The following ABCA6 variants were observed in gnomAD, a reference collection of about 807,000 sequenced individuals.
The protein encoded by ABCA6 is ATP binding cassette subfamily A member 6.
A neutral mutation model predicts 191.2 loss-of-function variants in ABCA6; 164 were observed. That is an observed-to-expected ratio of 0.86 (90% CI 0.76 to 0.98). The LOEUF (loss-of-function observed/expected upper bound fraction) is 0.98. ABCA6 is among the 50% of genes least tolerant of loss of function. The pLI is 0.00. For missense variants in ABCA6, 1,958 were observed against 1,894.1 expected, an observed-to-expected ratio of 1.03 and a Z score of -0.63; for synonymous variants, 636 against 647.7, an observed-to-expected ratio of 0.98 and a Z score of 0.27.
chr17:69,114,344 C>T (rs2144676112), intron 13 of ABCA6, among the ~76,000 whole-genome samples: 1 of 141,596 alleles, frequency 7.1e-6, no homozygotes, highest in Admixed American at 7.9e-5. Context: ...TGTTCTCACT[C>T]ATAGGTGGGA....
At chr17:69,098,625 C>CAAAAAAAAAAAAAAAAAAA (rs59031335) in intron 22 of ABCA6, 1 of 46,350 alleles carries the variant, frequency 2.2e-5, no homozygotes, top group Non-Finnish European at 4.0e-5. Context: ...AACTCGGTCT[C>CAAAAAAAAAAAAAAAAAAA]AAAAAAAAAA....
chr17:69,079,316 C>A, intron 37 of ABCA6, 51 bp from the exon 38 acceptor site: 2 of 1,438,400 alleles, frequency 1.4e-6, no homozygotes, highest in Non-Finnish European at 9.4e-7. Context: ...CAATTTATTA[C>A]CAAGAATTTT....
intron 10 of ABCA6, among the ~76,000 whole-genome samples, chr17:69,120,488 T>A (rs1346735673): frequency 6.6e-6 from 1 of 152,100 alleles, no homozygotes; most frequent in African/African-American, 2.4e-5. Context: ...TTGTTCCCTG[T>A]GTTGTGTGCT....
chr17:69,128,567 G>T, intron 8 of ABCA6, 52 bp downstream of exon 8: 1 of 1,430,460 alleles, frequency 7.0e-7, no homozygotes, highest in Non-Finnish European at 9.6e-7. Context: ...AGCGTATGAA[G>T]TATCTACTTC....
At chr17:69,113,521 G>A (rs11659091) in intron 14 of ABCA6, 97 bp downstream of exon 14, 937,795 of 1,579,682 alleles carry the variant, frequency 0.59, 284,704 homozygotes, top group Non-Finnish European at 0.63. Flanking sequence ...CTCTCTTGAT[G>A]CATTACAATG....
At chr17:69,083,411 C>T in intron 34 of ABCA6, 80 bp from the exon 35 acceptor site, 1 of 1,391,924 alleles carries the variant, frequency 7.2e-7, no homozygotes, top group Non-Finnish European at 9.5e-7. Context: ...ATATATGAAT[C>T]ATATTCAGAT....
At chr17:69,112,563 A>G (rs2073445895) in intron 15 of ABCA6, 1 of 297,266 alleles carries the variant, frequency 3.4e-6, no homozygotes, top group Non-Finnish European at 6.3e-6. Context: ...ACAGAAAGTC[A>G]AATACTGCAT....
intron 22 of ABCA6, 57 bp downstream of exon 22, chr17:69,100,740 A>T: frequency 1.3e-6 from 2 of 1,484,274 alleles, no homozygotes; most frequent in South Asian, 2.8e-5. Context: ...AAAGAGAGAA[A>T]ACATAGGCTA....
At chr17:69,135,334 T>C (rs2073931429) in intron 4 of ABCA6, 1 of 152,496 alleles carries the variant, frequency 6.6e-6, no homozygotes, top group Non-Finnish European at 1.5e-5. Context: ...CATAATGGAC[T>C]CCTTGTTTCT....
At chr17:69,099,271 A>G (rs1206874250) in intron 22 of ABCA6, among the ~76,000 whole-genome samples, 1 of 151,982 alleles carries the variant, frequency 6.6e-6, no homozygotes, top group South Asian at 2.1e-4. Flanking sequence ...TAATTCCACA[A>G]TTATTTAACT....
At position 69,079,038 on chromosome 17, in the gene ABCA6, T is replaced by G; in HGVS notation, c.4789A>C (p.Asn1597His). 1 of 1,612,614 alleles carries G rather than the reference T, an allele frequency of 6.2e-7. No individual in the cohort carries two copies. The highest frequency in any genetic ancestry group is 2.2e-5 in the East Asian group (1 of 44,748). Residue 1597 changes from asparagine (N) to histidine (H), a missense_variant, in exon 39 of 39, where the codon AAT becomes CAT. Transcript: ENST00000284425. ...GTTGTATCAATTTCTTCATCAAAAT[T>G]TCCTACTTCCTGTTCTTTAGAAAGC... is the stretch of plus-strand genomic sequence containing the variant. ...LELSKEQEVGNFDEEIDTTMR... is the reference protein window; with the variant it reads ...LELSKEQEVGHFDEEIDTTMR...
At chr17:69,116,178 G>A (rs907111369) in intron 11 of ABCA6, among the ~76,000 whole-genome samples, 3 of 152,046 alleles carry the variant, frequency 2.0e-5, no homozygotes, top group Non-Finnish European at 4.4e-5. Flanking sequence ...GTGTTTTCCA[G>A]GGTAAGAGGG....
At chr17:69,113,825 A>G in intron 13 of ABCA6, 88 bp from the exon 14 acceptor site, 2 of 1,104,608 alleles carry the variant, frequency 1.8e-6, no homozygotes, top group Non-Finnish European at 2.6e-6. Context: ...GCTCATCATC[A>G]CTGGCCATCA....
At chr17:69,134,785 G>A in intron 4 of ABCA6, 43 bp from the exon 5 acceptor site, 1 of 1,338,296 alleles carries the variant, frequency 7.5e-7, no homozygotes, top group Non-Finnish European at 1.1e-6. Context: ...ATGGGACGAG[G>A]GCAGTTGGAG....
intron 23 of ABCA6, 105 bp downstream of exon 23, chr17:69,097,815 A>C: frequency 1.4e-6 from 1 of 738,776 alleles, no homozygotes. Flanking sequence ...TAAATTAAAC[A>C]TACATTCAAA....
At position 69,125,027 on chromosome 17, in the gene ABCA6, T is replaced by C; in HGVS notation, c.1128A>G (p.Lys376=). The C allele has an allele frequency of 7.3e-7, 1 of 1,376,740 alleles. No homozygotes were observed. Among genetic ancestry groups the C allele is most frequent in the Non-Finnish European group, 9.6e-7 (1 of 1,039,374 alleles). 85.3% of individuals were successfully genotyped at this position (1,376,740 alleles called of 1,614,324 possible). A position where few individuals can be genotyped will look rare whatever the true frequency, so the allele number is the denominator to read the frequency against. Residue 376 remains lysine (K), a synonymous_variant, in exon 9 of 39, where the codon AAA becomes AAG. Transcript: ENST00000284425. ...AFTTGMIQII[K]LDYNLNGVIF... is the part of the protein sequence containing the mutation. ...TTACACCATTCAAGTTATAATCCAG[T>C]TTGATAATCTAAGATTCAAAAAATA...
chr17:69,135,924 C>T (rs2073938875), intron 4 of ABCA6, 168 bp downstream of exon 4: 2 of 669,108 alleles, frequency 3.0e-6, no homozygotes, highest in Non-Finnish European at 5.0e-6. Flanking sequence ...TTTTTGCAGT[C>T]ATCCTGTAGT....
chr17:69,098,042 G>A lies in ABCA6; in HGVS notation c.3013-15C>T. The A allele has an allele frequency of 6.5e-7, 1 of 1,539,168 alleles. No individual in the cohort carries two copies. Among genetic ancestry groups the A allele is most frequent in the South Asian group, 1.2e-5 (1 of 82,070 alleles). ...CCTATGTGGCTCTGAAAATATAAAGGGTAGCTTAAACTAGTGAATATTTGT... is the reference window on the plus strand; with the variant it reads ...CCTATGTGGCTCTGAAAATATAAAGAGTAGCTTAAACTAGTGAATATTTGT... On this transcript the variant is annotated splice_polypyrimidine_tract_variant and intron_variant, in intron 22 of 38. Transcript: ENST00000284425.
At position 69,136,210 on chromosome 17, in the gene ABCA6, G is replaced by A. The variant is rs144876793; in HGVS notation, c.342C>T (p.Asp114=). The A allele has an allele frequency of 1.5e-3, 2,375 of 1,590,256 alleles. 29 individuals are homozygous for A. In the African/African-American group the frequency reaches 0.027, roughly 18 times the overall value. The change falls in exon 4 of 39, where the codon GAC becomes GAT. Residue 114 remains aspartate, a synonymous_variant. Transcript: ENST00000284425. The part of the protein sequence containing the change: ...VIGAPNKTHM[D]EILLENLPYA... ...ATGGTAAATTTTCCAGAAGTATTTC[G>A]TCCATGTGTGTTTTATTTGGTGCCC...
Sources: gnomAD v4.1 joint callset for allele counts (sites outside exome capture counted in the v4.1 genomes callset) on GRCh38, gnomAD v4.1.1 for gene constraint, MANE v1.5 for transcripts, NCBI Gene and HGNC (gene_info 2026-07-23, HGNC 2026-07-21) for gene names.